RGS7: variants seen among roughly 807,000 people sequenced by gnomAD.
RGS7 encodes the protein regulator of G protein signaling 7.
A neutral mutation model predicts 81.1 loss-of-function variants in RGS7; 27 were observed. The ratio of observed to expected loss-of-function variants is 0.33; its 90% CI spans 0.25 to 0.46. The LOEUF (loss-of-function observed/expected upper bound fraction) is 0.46. Ranked by LOEUF, RGS7 falls within the 20% of genes least tolerant of loss-of-function variation. RGS7 has a pLI of 1.00. For synonymous variants in RGS7, 208 were observed against 207.7 expected, an observed-to-expected ratio of 1.00 and a Z score of -0.01; for missense variants, 396 against 607.4, an observed-to-expected ratio of 0.65 and a Z score of 3.66.
intron 3 of RGS7, among the ~76,000 whole-genome samples, chr1:241,018,499 T>A (rs1454587449): frequency 2.0e-5 from 3 of 151,952 alleles, no homozygotes; most frequent in Non-Finnish European, 4.4e-5. Context: ...AGTGTTTGTT[T>A]TGTTTTTGTT....
chr1:241,226,113 T>C (rs1490873053), intron 2 of RGS7, among the ~76,000 whole-genome samples: 1 of 152,100 alleles, frequency 6.6e-6, no homozygotes, highest in East Asian at 1.9e-4. Flanking sequence ...CCCAAGTTCA[T>C]AAAAATTCCC....
intron 2 of RGS7, among the ~76,000 whole-genome samples, chr1:241,168,578 GACT>G (rs1230524696): frequency 6.6e-6 from 1 of 152,096 alleles, no homozygotes; most frequent in Non-Finnish European, 1.5e-5. Flanking sequence ...TCACTCCCCT[GACT>G]ACGTTATGTT....
rs906164549 is a variant in RGS7, at chr1:241,144,652, G to C, written c.79-45890C>G. Among the ~76,000 whole-genome samples the C allele has an allele frequency of 9.9e-5, 15 of 152,148 alleles. No homozygotes were observed. Among genetic ancestry groups the C allele is most frequent in the African/African-American group, 3.6e-4 (15 of 41,424 alleles). On this transcript the variant is annotated intron_variant, in intron 2 of 18. Coordinates refer to ENST00000440928, the MANE Select transcript of RGS7 (RefSeq NM_001364886.1). The surrounding 1 kb of genome is among the most constrained non-coding windows in gnomAD (Gnocchi z 4.7). ...TTCGATAAGTGCTGTTTATGTGGCT[G>C]TATTTTCAAGATAGCATGGAGGGAT...
intron 3 of RGS7, among the ~76,000 whole-genome samples, chr1:240,994,927 C>T (rs1360382033): frequency 6.6e-6 from 1 of 152,124 alleles, no homozygotes; most frequent in African/African-American, 2.4e-5. Flanking sequence ...CCTTGCACCT[C>T]AGCCTCCCAA....
At chr1:241,238,983 T>TTG (rs2076130739) in intron 2 of RGS7, among the ~76,000 whole-genome samples, 1 of 149,634 alleles carries the variant, frequency 6.7e-6, no homozygotes, top group Non-Finnish European at 1.5e-5. Flanking sequence ...TTTTTTTTTT[T>TTG]TTTGAGATAC....
intron 2 of RGS7, among the ~76,000 whole-genome samples, chr1:241,123,715 C>A (rs1332793213): frequency 6.6e-6 from 1 of 152,198 alleles, no homozygotes; most frequent in Non-Finnish European, 1.5e-5. Context: ...TGCACCATTG[C>A]ACTCCAGCCT....
At chr1:241,094,465 G>A (rs2492988) in intron 3 of RGS7, among the ~76,000 whole-genome samples, 43,822 of 152,042 alleles carry the variant, frequency 0.29, 7,677 homozygotes, top group African/African-American at 0.49. Flanking sequence ...TTCTGGAGAA[G>A]AAGGTAATGC....
At chr1:240,948,253 C>T (rs2148424817) in intron 4 of RGS7, among the ~76,000 whole-genome samples, 1 of 151,958 alleles carries the variant, frequency 6.6e-6, no homozygotes, top group East Asian at 1.9e-4. Flanking sequence ...TGTCTGTTTG[C>T]TTGGTTGGTT....
intron 9 of RGS7, among the ~76,000 whole-genome samples, chr1:240,864,564 T>C (rs919841506): frequency 4.6e-5 from 7 of 152,160 alleles, no homozygotes; most frequent in African/African-American, 1.4e-4. Context: ...TTGTTCTAAG[T>C]CTTGCGTTCC....
chr1:240,931,688 GA>G (rs1303365848), intron 5 of RGS7, among the ~76,000 whole-genome samples: 2 of 151,870 alleles, frequency 1.3e-5, no homozygotes, highest in South Asian at 2.1e-4. Flanking sequence ...ACAAATCAGA[GA>G]TTTTTTTTAA....
intron 5 of RGS7, among the ~76,000 whole-genome samples, chr1:240,933,115 C>A (rs1214020226): frequency 2.0e-5 from 3 of 151,258 alleles, no homozygotes; most frequent in Non-Finnish European, 4.4e-5. Context: ...ATCTCCTGAC[C>A]TCGTGATCTG....
intron 2 of RGS7, among the ~76,000 whole-genome samples, chr1:241,319,214 T>C (rs2148596940): frequency 6.6e-6 from 1 of 152,360 alleles, no homozygotes; most frequent in South Asian, 2.1e-4. Flanking sequence ...CAATAAATGT[T>C]AGCTTTCTAC....
At chr1:240,778,415 A>C (rs556396146) in intron 18 of RGS7, among the ~76,000 whole-genome samples, 1 of 152,358 alleles carries the variant, frequency 6.6e-6, no homozygotes, top group East Asian at 1.9e-4. Flanking sequence ...CCTTTTGCTG[A>C]TATGAACAGC....
At chr1:241,248,747 T>C (rs1314631420) in intron 2 of RGS7, among the ~76,000 whole-genome samples, 2 of 152,288 alleles carry the variant, frequency 1.3e-5, no homozygotes, top group East Asian at 3.9e-4. Context: ...ATGTTAGGGA[T>C]TCAAACACGA....
chr1:240,925,092 C>T (rs1345547364), intron 6 of RGS7, among the ~76,000 whole-genome samples: 1 of 151,814 alleles, frequency 6.6e-6, no homozygotes, highest in Non-Finnish European at 1.5e-5. Flanking sequence ...AGACATTGTT[C>T]CATTTGTACT....
chr1:241,018,076 C>T (rs950939301), intron 3 of RGS7, among the ~76,000 whole-genome samples: 1 of 151,764 alleles, frequency 6.6e-6, no homozygotes, highest in African/African-American at 2.4e-5. Context: ...AAGTGATTCT[C>T]CTACCTTAGC....
At chr1:241,045,129 C>T (rs2060848508) in intron 3 of RGS7, among the ~76,000 whole-genome samples, 1 of 152,170 alleles carries the variant, frequency 6.6e-6, no homozygotes, top group African/African-American at 2.4e-5. Flanking sequence ...TTGATCTCTT[C>T]ATTCAGAACA....
chr1:241,006,992 C>T (rs1374605316), intron 3 of RGS7, among the ~76,000 whole-genome samples: 2 of 152,198 alleles, frequency 1.3e-5, no homozygotes, highest in Non-Finnish European at 2.9e-5. Flanking sequence ...TCTTGGCTCA[C>T]TGCAACCCAC....
chr1:241,323,111 T>C (rs1425989736), intron 2 of RGS7, among the ~76,000 whole-genome samples: 3 of 152,232 alleles, frequency 2.0e-5, no homozygotes, highest in Admixed American at 1.3e-4. Flanking sequence ...TTTATTATCA[T>C]ACACTGCAAA....
Sources: allele counts gnomAD v4.1 joint callset (sites outside exome capture counted in the v4.1 genomes callset), GRCh38; gene constraint gnomAD v4.1.1; non-coding constraint Gnocchi (gnomAD v3.1); transcripts MANE v1.5; gene names NCBI Gene and HGNC (gene_info 2026-07-23, HGNC 2026-07-21).